Variants in DENND2C observed in about 807,000 individuals in gnomAD.
DENND2C encodes DENN domain-containing protein 2C.
In DENND2C, 72 loss-of-function variants were observed where a neutral mutation model predicts 112.4. The ratio of observed to expected loss-of-function variants is 0.64; its 90% CI spans 0.53 to 0.78. DENND2C has a LOEUF of 0.78. DENND2C is among the 30% of genes least tolerant of loss of function. The pLI is 0.00. For synonymous variants in DENND2C, 329 were observed against 381.6 expected (o/e 0.86, Z 1.61); for missense variants, 992 against 1,113.8 (o/e 0.89, Z 1.56).
rs1416416529 is a variant in DENND2C, at chr1:114,587,970, A to G, written c.2432-18T>C. 3.1e-6 allele frequency: 5 copies of G among 1,601,248 alleles called. No homozygotes were observed. The highest frequency in any genetic ancestry group is 1.3e-5 in the African/African-American group (1 of 74,326). On this transcript the variant is annotated intron_variant, in intron 18 of 20. Coordinates refer to ENST00000393274, the MANE Select transcript of DENND2C (RefSeq NM_001256404.2). ...TGTCACATCTGCTGCAACATGAAAA[A>G]GAAAAAAAGAAAAAAATCTCCTCAG...
chr1:114,648,418 T>C (rs1366618699), intron 2 of DENND2C, among the ~76,000 whole-genome samples: 3 of 152,180 alleles, frequency 2.0e-5, no homozygotes, highest in East Asian at 3.8e-4. Context: ...AATACCCCCA[T>C]ATTCTAAGAA....
chr1:114,608,886 C>A lies in DENND2C; in HGVS notation c.1370-13G>T. On this transcript the variant is annotated splice_polypyrimidine_tract_variant and intron_variant, in intron 9 of 20. Coordinates refer to ENST00000393274, the MANE Select transcript of DENND2C (RefSeq NM_001256404.2). ...CGTTTATGGCGATCTGTAATGAAATCATGGAGAAATGTTTTTTTCTCTGTA... is the reference window on the plus strand; with the variant it reads ...CGTTTATGGCGATCTGTAATGAAATAATGGAGAAATGTTTTTTTCTCTGTA... The A allele has an allele frequency of 6.2e-7, 1 of 1,613,716 alleles. No individual in the cohort carries two copies. The highest frequency in any genetic ancestry group is 1.1e-5 in the South Asian group (1 of 90,950).
intron 10 of DENND2C, among the ~76,000 whole-genome samples, chr1:114,606,141 G>C (rs1655652449): frequency 6.6e-6 from 1 of 152,034 alleles, no homozygotes; most frequent in Non-Finnish European, 1.5e-5. Flanking sequence ...TCAAACTCCT[G>C]TGCTCCAGTG....
At chr1:114,611,713 T>G (rs969364384) in intron 8 of DENND2C, among the ~76,000 whole-genome samples, 1 of 151,954 alleles carries the variant, frequency 6.6e-6, no homozygotes, top group Non-Finnish European at 1.5e-5. Flanking sequence ...TTTAAGTATT[T>G]TGGGGACAAG....
At position 114,623,073 on chromosome 1, in the gene DENND2C, C is replaced by G; in HGVS notation, c.970G>C (p.Asp324His). 6.2e-7 allele frequency: 1 copy of G among 1,609,878 alleles called. No individual in the cohort carries two copies. The highest frequency in any genetic ancestry group is 8.5e-7 in the Non-Finnish European group (1 of 1,178,164). The change falls in exon 6 of 21, where the codon GAT becomes CAT. Residue 324 changes from aspartate (D) to histidine (H), a missense_variant. This residue lies in a region of DENND2C where 470 missense variants were observed against 472.7 expected (regional missense o/e 0.99). Transcript: ENST00000393274. ...ATAGGTAAAGGCTGCACTGGAATAT[C>G]TTCATATGGATTTTCTTTGGTGGGA... Reference protein sequence around the residue: ...IYPTKENPYEDIPVQPLPMWR... With the variant: ...IYPTKENPYEHIPVQPLPMWR...
In DENND2C at chr1:114,584,288, T is replaced by G. The variant is rs1015272043; in HGVS notation, c.*1312A>C. 1.3e-5 allele frequency: 2 copies of G among 152,292 alleles called. No individual in the cohort carries two copies. Among genetic ancestry groups the G allele is most frequent in the Non-Finnish European group, 2.9e-5 (2 of 68,134 alleles). 9.4% of individuals were successfully genotyped at this position (152,292 alleles called of 1,614,324 possible). On this transcript the variant is annotated 3_prime_UTR_variant, in exon 21 of 21. Coordinates refer to ENST00000393274, the MANE Select transcript of DENND2C (RefSeq NM_001256404.2). ...TTTTTCTTTTCCTTTTTTCTTTTTT[T>G]TGAGATGGAGTCTCGCTCTGTCACC...
At chr1:114,668,047 T>C (rs961527462) in intron 1 of DENND2C, among the ~76,000 whole-genome samples, 3 of 152,178 alleles carry the variant, frequency 2.0e-5, no homozygotes, top group Admixed American at 6.5e-5. Flanking sequence ...TTTAGCCCAC[T>C]TGGTAGAATG....
At chr1:114,651,558 G>T (rs1657166723) in intron 2 of DENND2C, among the ~76,000 whole-genome samples, 1 of 152,034 alleles carries the variant, frequency 6.6e-6, no homozygotes, top group Non-Finnish European at 1.5e-5. Flanking sequence ...GGCCAACATG[G>T]TGAAACCCCA....
intron 2 of DENND2C, among the ~76,000 whole-genome samples, chr1:114,646,339 C>A (rs761640257): frequency 6.6e-6 from 1 of 152,156 alleles, no homozygotes; most frequent in African/African-American, 2.4e-5. Flanking sequence ...AATTTTAGAA[C>A]ACTTTTCTTT....
chr1:114,662,453 AAAT>A (rs1329105642), intron 1 of DENND2C, among the ~76,000 whole-genome samples: 7 of 152,336 alleles, frequency 4.6e-5, no homozygotes, highest in Admixed American at 2.0e-4. Flanking sequence ...GAAGGAAAAA[AAAT>A]AATAATTTCT....
At position 114,621,942 on chromosome 1, in the gene DENND2C, A is replaced by C. The variant is rs200552407; in HGVS notation, c.1180T>G (p.Phe394Val). ...LPVTLTEWKL[F>V]RAGEVANTKR... is the part of the protein sequence containing the mutation. ...GTGTTTGCAACTTCACCAGCTCGGA[A>C]AAGCTTCCATTCCGTTAAAGTGACC... is the stretch of plus-strand genomic sequence containing the variant. The change falls in exon 7 of 21, where the codon TTC (phenylalanine) becomes GTC (valine). Residue 394 changes from phenylalanine to valine, a missense_variant. By Grantham distance (50) the Phe-to-Val change is conservative (BLOSUM62 -1). Around this residue, in one of 3 missense-constraint regions of DENND2C, gnomAD observed 470 missense variants for 472.7 expected, o/e 0.99. Transcript: ENST00000393274. The C allele has an allele frequency of 2.6e-5, 40 of 1,550,572 alleles. No homozygotes were observed. The highest frequency in any genetic ancestry group is 2.8e-5 in the Non-Finnish European group (32 of 1,147,024).
intron 3 of DENND2C, among the ~76,000 whole-genome samples, chr1:114,634,098 C>G (rs1479526784): frequency 6.6e-6 from 1 of 152,146 alleles, no homozygotes; most frequent in East Asian, 1.9e-4. Context: ...AATGTTCATG[C>G]ACCTAATAAG....
chr1:114,606,298 G>C (rs1489183872), intron 10 of DENND2C, among the ~76,000 whole-genome samples: 1 of 152,140 alleles, frequency 6.6e-6, no homozygotes, highest in Non-Finnish European at 1.5e-5. Context: ...AGGCTACATT[G>C]AGAAATTTTA....
intron 16 of DENND2C, among the ~76,000 whole-genome samples, chr1:114,598,128 T>G (rs1655393573): frequency 6.6e-6 from 1 of 152,220 alleles, no homozygotes; most frequent in South Asian, 2.1e-4. Flanking sequence ...AATTTCCAAG[T>G]ATATACCCAT....
chr1:114,658,418 G>A (rs1233688701), intron 1 of DENND2C, among the ~76,000 whole-genome samples: 1 of 152,038 alleles, frequency 6.6e-6, no homozygotes, highest in Non-Finnish European at 1.5e-5. Flanking sequence ...CAAGTAAGGA[G>A]AATAAAAACT....
chr1:114,661,060 G>A (rs1180940214), intron 1 of DENND2C, among the ~76,000 whole-genome samples: 2 of 148,306 alleles, frequency 1.3e-5, no homozygotes, highest in East Asian at 2.0e-4. Context: ...GCAGTGAGCC[G>A]GTATTGTGCC....
chr1:114,590,716 C>G (rs1224321370), intron 18 of DENND2C, among the ~76,000 whole-genome samples: 1 of 146,364 alleles, frequency 6.8e-6, no homozygotes, highest in Non-Finnish European at 1.5e-5. Flanking sequence ...AGGGTGGAGC[C>G]TGCAGTGAGC....
intron 3 of DENND2C, among the ~76,000 whole-genome samples, chr1:114,632,442 A>G (rs1656515911): frequency 6.6e-6 from 1 of 152,194 alleles, no homozygotes; most frequent in South Asian, 2.1e-4. Flanking sequence ...GAAACAAGGT[A>G]AGCCAGAAAA....
intron 10 of DENND2C, among the ~76,000 whole-genome samples, chr1:114,607,110 T>C (rs1309119699): frequency 1.3e-5 from 2 of 152,184 alleles, no homozygotes. Flanking sequence ...GGGCACTTAC[T>C]AGGGCCCAGG....
Sources: gnomAD v4.1 joint callset for allele counts (sites outside exome capture counted in the v4.1 genomes callset) on GRCh38, gnomAD v4.1.1 for gene constraint, gnomAD v4.1.1 regional missense constraint, MANE v1.5 for transcripts, NCBI Gene and HGNC (gene_info 2026-07-23, HGNC 2026-07-21) for gene names.